The following TUSC3 variants were observed in gnomAD, a reference collection of about 807,000 sequenced individuals.
The protein encoded by TUSC3 is dolichyl-diphosphooligosaccharide--protein glycosyltransferase subunit TUSC3.
Under a neutral mutation model 44.8 loss-of-function variants are expected in TUSC3, and 45 were observed. That is an observed-to-expected ratio of 1.00 (90% CI 0.79 to 1.29). TUSC3 has a LOEUF of 1.29. TUSC3 is among the 50% of genes most tolerant of loss of function. The pLI is 0.00. For missense variants in TUSC3, 519 were observed against 437.9 expected (o/e 1.19, Z -1.65); for synonymous variants, 212 against 152.9 (o/e 1.39, Z -2.85).
chr8:15,829,538 T>C, the TUSC3 span, among the ~76,000 whole-genome samples: 1 of 149,966 alleles, frequency 6.7e-6, no homozygotes, highest in Non-Finnish European at 1.5e-5. Context: ...GTGATATAAG[T>C]TGCAAAGGTC....
chr8:15,457,819 A>ATT (rs1029510021), intron 1 of TUSC3, among the ~76,000 whole-genome samples: 1 of 56,838 alleles, frequency 1.8e-5, no homozygotes, highest in Non-Finnish European at 3.9e-5. Context: ...TTTATTAGAT[A>ATT]ATTAATTATT....
At chr8:15,511,125 C>G (rs1018900271) in intron 2 of TUSC3, among the ~76,000 whole-genome samples, 1 of 152,114 alleles carries the variant, frequency 6.6e-6, no homozygotes, top group African/African-American at 2.4e-5. Context: ...AAAACTAATA[C>G]CAAACTTAAT....
intron 1 of TUSC3, among the ~76,000 whole-genome samples, chr8:15,567,629 T>C (rs1802725745): frequency 6.6e-6 from 1 of 152,156 alleles, no homozygotes; most frequent in African/African-American, 2.4e-5. Flanking sequence ...TATGTAAGAT[T>C]GCAGTCAAGC....
intron 2 of TUSC3, among the ~76,000 whole-genome samples, chr8:15,486,421 C>G (rs1302103015): frequency 2.0e-5 from 3 of 152,052 alleles, no homozygotes; most frequent in African/African-American, 7.2e-5. Flanking sequence ...TTCTATAATT[C>G]TCAAGAATAA....
At chr8:15,576,882 G>C (rs921284390) in intron 1 of TUSC3, among the ~76,000 whole-genome samples, 2 of 128,056 alleles carry the variant, frequency 1.6e-5, no homozygotes, top group Non-Finnish European at 3.3e-5. Flanking sequence ...CTGAGGAATC[G>C]CCACACTGAC....
intron 1 of TUSC3, among the ~76,000 whole-genome samples, chr8:15,619,640 C>T (rs1178545290): frequency 1.3e-5 from 2 of 151,914 alleles, no homozygotes; most frequent in African/African-American, 4.8e-5. Flanking sequence ...TACAGGTGCC[C>T]GCCACCACGC....
At position 15,732,186 on chromosome 8, in the gene TUSC3, C is replaced by G. The variant is rs573186192; in HGVS notation, c.862+1457C>G. 2.0e-5 allele frequency among the ~76,000 whole-genome samples: 3 copies of G among 152,226 alleles called. No individual in the cohort carries two copies. In the South Asian group the frequency reaches 6.2e-4, roughly 32 times the overall value. ...ATAAATACGTATATATGGGTTGATT[C>G]CTTAGTGATATGGTTTGGCTCTGTG... On this transcript the variant is annotated intron_variant, in intron 7 of 10. Transcript: ENST00000503731.
rs527337728 is a variant in TUSC3, at chr8:15,495,577, C to T, written n.189+12094C>T. Among the ~76,000 whole-genome samples the T allele has an allele frequency of 1.1e-4, 16 of 152,180 alleles. No individual in the cohort carries two copies. The South Asian group carries it at 3.3e-3, about 32-fold the overall frequency. ...TACTCATATTCTTTGTCTAGCAGCC[C>T]TTGAAATGTTTGTGTATTCCCCTCC... On this transcript the variant is annotated intron_variant and non_coding_transcript_variant, in intron 2 of 5. Coordinates refer to the TUSC3 transcript ENST00000503191.
chr8:15,516,981 T>A (rs1258087342), intron 2 of TUSC3, among the ~76,000 whole-genome samples: 1 of 152,178 alleles, frequency 6.6e-6, no homozygotes, highest in Non-Finnish European at 1.5e-5. Flanking sequence ...TTAAATGTGA[T>A]AGAATTTTAG....
chr8:15,594,869 A>G (rs957204947), intron 1 of TUSC3, among the ~76,000 whole-genome samples: 1 of 152,190 alleles, frequency 6.6e-6, no homozygotes, highest in Non-Finnish European at 1.5e-5. Context: ...CCTAGGATTC[A>G]TTGCTGGTTG....
chr8:15,468,651 A>G (rs1000575935), intron 1 of TUSC3, among the ~76,000 whole-genome samples: 12 of 152,150 alleles, frequency 7.9e-5, no homozygotes, highest in Admixed American at 3.3e-4. Flanking sequence ...AACTCATTCA[A>G]TTCTTGCCAG....
intron 1 of TUSC3, among the ~76,000 whole-genome samples, chr8:15,597,245 G>T (rs933713497): frequency 6.6e-6 from 1 of 152,052 alleles, no homozygotes; most frequent in Non-Finnish European, 1.5e-5. Flanking sequence ...TCCAACTCAG[G>T]ATCTGTCTAC....
intron 2 of TUSC3, among the ~76,000 whole-genome samples, chr8:15,494,815 T>C (rs1032482324): frequency 6.6e-6 from 1 of 152,174 alleles, no homozygotes; most frequent in East Asian, 1.9e-4. Flanking sequence ...TTAGGGAGTT[T>C]TCTTTTCTTG....
chr8:15,536,381 C>G (rs957220916), upstream of TUSC3, among the ~76,000 whole-genome samples: 1 of 151,810 alleles, frequency 6.6e-6, no homozygotes, highest in Admixed American at 6.6e-5. Context: ...GACACTTTAC[C>G]AAGAAAAGAA....
chr8:15,639,859 C>T (rs1746564864), intron 2 of TUSC3, among the ~76,000 whole-genome samples: 3 of 146,592 alleles, frequency 2.0e-5, no homozygotes, highest in Admixed American at 6.8e-5. Flanking sequence ...AGATATAGTC[C>T]TTTCTTGTGA....
the TUSC3 span, among the ~76,000 whole-genome samples, chr8:15,821,960 G>T: frequency 1.3e-5 from 2 of 152,162 alleles, no homozygotes; most frequent in African/African-American, 4.8e-5. Context: ...GGATGCCGTT[G>T]CACATCTCCA....
rs750415420 is a variant in TUSC3, at chr8:15,650,716, C to G, written c.328C>G (p.Gln110Glu). Residue 110 changes from glutamine (Q) to glutamate (E), a missense_variant, in exon 3 of 11, where the codon CAA becomes GAA. Coordinates refer to ENST00000503731, the MANE Select transcript of TUSC3 (RefSeq NM_006765.4). Reference sequence around the variant, plus strand: ...TATCAGGCAAGCTAATGAAGAATATCAAATACTGGCGAACTCCTGGCGCTA... The same window carrying G: ...TATCAGGCAAGCTAATGAAGAATATGAAATACTGGCGAACTCCTGGCGCTA... ...SVCRQANEEY[Q>E]ILANSWRYSS... The G allele has an allele frequency of 6.2e-7, 1 of 1,614,080 alleles. No homozygotes were observed. The highest frequency in any genetic ancestry group is 8.5e-7 in the Non-Finnish European group (1 of 1,179,998).
intron 6 of TUSC3, among the ~76,000 whole-genome samples, chr8:15,712,040 G>C (rs1466655943): frequency 6.6e-6 from 1 of 151,724 alleles, no homozygotes; most frequent in Non-Finnish European, 1.5e-5. Flanking sequence ...CTAAATTGCT[G>C]TGCACAGTTT....
chr8:15,818,545 T>G, the TUSC3 span, among the ~76,000 whole-genome samples: 1 of 152,188 alleles, frequency 6.6e-6, no homozygotes, highest in Non-Finnish European at 1.5e-5. Flanking sequence ...AGACAGGTGA[T>G]TAAAAATGCA....
Sources: gnomAD v4.1 joint callset for allele counts (sites outside exome capture counted in the v4.1 genomes callset) on GRCh38, gnomAD v4.1.1 for gene constraint, MANE v1.5 for transcripts, NCBI Gene and HGNC (gene_info 2026-07-23, HGNC 2026-07-21) for gene names.